Variants in SMYD3 observed in about 807,000 individuals in gnomAD.
The protein encoded by SMYD3 is histone-lysine N-methyltransferase SMYD3.
In SMYD3, 36 loss-of-function variants were observed where a neutral mutation model predicts 57.7. That is an observed-to-expected ratio of 0.62 (90% CI 0.48 to 0.82). SMYD3 has a LOEUF of 0.82. Among genes scored for constraint, SMYD3 ranks in the 40% least tolerant of loss-of-function variants. The pLI is 0.00. For synonymous variants in SMYD3, 211 were observed against 195.0 expected (o/e 1.08, Z -0.68); for missense variants, 515 against 538.8 (o/e 0.96, Z 0.44).
chr1:246,144,434 G>A (rs1235556280), intron 5 of SMYD3, among the ~76,000 whole-genome samples: 1 of 152,112 alleles, frequency 6.6e-6, no homozygotes, highest in African/African-American at 2.4e-5. Flanking sequence ...CTAAAATACT[G>A]CAGCTGAACT....
intron 1 of SMYD3, among the ~76,000 whole-genome samples, chr1:246,400,693 C>G (rs552855541): frequency 1.1e-4 from 17 of 152,306 alleles, no homozygotes; most frequent in Non-Finnish European, 2.5e-4. Flanking sequence ...TTGCCCCTTT[C>G]AGGCTACTGT....
At chr1:246,419,251 T>C (rs955263447) in intron 1 of SMYD3, among the ~76,000 whole-genome samples, 3 of 152,146 alleles carry the variant, frequency 2.0e-5, no homozygotes, top group Non-Finnish European at 4.4e-5. Flanking sequence ...CCACCACCCT[T>C]TGCTGACTCT....
intron 5 of SMYD3, among the ~76,000 whole-genome samples, chr1:246,190,696 C>G (rs1440800037): frequency 6.7e-6 from 1 of 148,544 alleles, no homozygotes; most frequent in Non-Finnish European, 1.5e-5. Context: ...TCATGATTTT[C>G]TTTGTCCCCC....
chr1:246,243,074 A>C (rs1485147897), intron 5 of SMYD3, among the ~76,000 whole-genome samples: 1 of 152,148 alleles, frequency 6.6e-6, no homozygotes, highest in Non-Finnish European at 1.5e-5. Context: ...CATATCCAGG[A>C]CTTGAACTCA....
At chr1:246,374,790 T>C (rs930021770) in intron 1 of SMYD3, among the ~76,000 whole-genome samples, 1 of 152,044 alleles carries the variant, frequency 6.6e-6, no homozygotes. Context: ...CTGGCCAACA[T>C]GGCAAAACCC....
chr1:246,246,290 C>T (rs928431682), intron 5 of SMYD3, among the ~76,000 whole-genome samples: 1 of 152,126 alleles, frequency 6.6e-6, no homozygotes, highest in Non-Finnish European at 1.5e-5. Context: ...CTTGATCTTA[C>T]TGTATCTGTA....
At chr1:245,936,630 CACTCCTGT>C (rs1479394098) in intron 5 of SMYD3, among the ~76,000 whole-genome samples, 1 of 152,178 alleles carries the variant, frequency 6.6e-6, no homozygotes, top group Non-Finnish European at 1.5e-5. Context: ...CGCAGCGGCT[CACTCCTGT>C]AATCCCAGTA....
intron 5 of SMYD3, among the ~76,000 whole-genome samples, chr1:246,259,908 A>G (rs1113269): frequency 0.21 from 31,471 of 152,020 alleles, 3,945 homozygotes; most frequent in East Asian, 0.58. Context: ...CAACTTCTCT[A>G]CACAGGAATG....
chr1:246,117,316 T>A (rs1485022604), intron 5 of SMYD3, among the ~76,000 whole-genome samples: 1 of 152,190 alleles, frequency 6.6e-6, no homozygotes, highest in Non-Finnish European at 1.5e-5. Flanking sequence ...CACAGCACCT[T>A]CCGTTAGAAG....
chr1:245,775,645 C>T (rs1248702590), intron 10 of SMYD3, among the ~76,000 whole-genome samples: 1 of 151,028 alleles, frequency 6.6e-6, no homozygotes. Flanking sequence ...CCGACCTTCC[C>T]TCCACTATTG....
At chr1:246,482,723 A>G (rs1172692375) in intron 1 of SMYD3, among the ~76,000 whole-genome samples, 2 of 152,230 alleles carry the variant, frequency 1.3e-5, no homozygotes, top group Non-Finnish European at 2.9e-5. Context: ...TAAGGTAACA[A>G]GTTCCATATG....
chr1:246,462,442 A>C (rs1362058780), intron 1 of SMYD3, among the ~76,000 whole-genome samples: 1 of 152,078 alleles, frequency 6.6e-6, no homozygotes, highest in East Asian at 1.9e-4. Flanking sequence ...GCCTGGCCTC[A>C]AGTCATAGGC....
chr1:245,752,726 G>C (rs778298343), intron 11 of SMYD3, among the ~76,000 whole-genome samples: 5 of 152,180 alleles, frequency 3.3e-5, no homozygotes, highest in Admixed American at 1.3e-4. Flanking sequence ...TGGAATTAGA[G>C]CCACAGCCAG....
intron 5 of SMYD3, among the ~76,000 whole-genome samples, chr1:246,050,334 T>C (rs1485960901): frequency 6.6e-6 from 1 of 152,208 alleles, no homozygotes; most frequent in Non-Finnish European, 1.5e-5. Context: ...ATGTACAACA[T>C]ATTTCTTAAG....
chr1:246,328,418 A>C (rs990884883), intron 4 of SMYD3, among the ~76,000 whole-genome samples: 2 of 152,220 alleles, frequency 1.3e-5, no homozygotes, highest in African/African-American at 4.8e-5. Flanking sequence ...ACTAGTACTG[A>C]GTAGGGCTAA....
At chr1:246,462,767 A>G (rs2067821836) in intron 1 of SMYD3, among the ~76,000 whole-genome samples, 1 of 152,236 alleles carries the variant, frequency 6.6e-6, no homozygotes, top group African/African-American at 2.4e-5. Flanking sequence ...CAAAAAACAG[A>G]TTAGTAAATA....
chr1:246,248,844 G>A (rs2063754707), intron 5 of SMYD3, among the ~76,000 whole-genome samples: 1 of 107,752 alleles, frequency 9.3e-6, no homozygotes, highest in South Asian at 3.4e-4. Context: ...TTTTACTAGA[G>A]ATGGGGTTTC....
chr1:246,307,790 G>C lies in SMYD3; in HGVS notation c.531+19411C>G, dbSNP rs545860631. On this transcript the variant is annotated intron_variant, in intron 5 of 11. Transcript: ENST00000490107. ...TCACAAAGGGAAGTGAGGCTCACTA[G>C]AACAGCCCCAGGCATAAATTGCAGG... Among the ~76,000 whole-genome samples the C allele has an allele frequency of 4.6e-5, 7 of 152,260 alleles. No homozygotes were observed. The East Asian group carries it at 1.4e-3, about 29-fold the overall frequency.
chr1:245,987,745 C>A (rs1364038461), intron 5 of SMYD3, among the ~76,000 whole-genome samples: 4 of 152,214 alleles, frequency 2.6e-5, no homozygotes, highest in Non-Finnish European at 5.9e-5. Flanking sequence ...AGTCCCGGCA[C>A]TTAAGCACCA....
Sources: allele counts gnomAD v4.1 joint callset (sites outside exome capture counted in the v4.1 genomes callset), GRCh38; gene constraint gnomAD v4.1.1; transcripts MANE v1.5; gene names NCBI Gene and HGNC (gene_info 2026-07-23, HGNC 2026-07-21).